KCNIP4: variants seen among roughly 807,000 people sequenced by gnomAD.
The protein encoded by KCNIP4 is potassium voltage-gated channel interacting protein 4.
Under a neutral mutation model 34.0 loss-of-function variants are expected in KCNIP4, and 12 were observed. That is an observed-to-expected ratio of 0.35 (90% CI 0.23 to 0.57). The LOEUF (loss-of-function observed/expected upper bound fraction) is 0.57, where lower values mean the gene tolerates loss of function less well. Among genes scored for constraint, KCNIP4 ranks in the 20% least tolerant of loss-of-function variants. KCNIP4 has a pLI of 0.83. For missense variants in KCNIP4, 238 were observed against 311.7 expected (o/e 0.76, Z 1.78); for synonymous variants, 124 against 102.2 (o/e 1.21, Z -1.29).
chr4:21,065,128 C>A (rs190786676), intron 1 of KCNIP4, among the ~76,000 whole-genome samples: 1 of 152,182 alleles, frequency 6.6e-6, no homozygotes, highest in African/African-American at 2.4e-5. Flanking sequence ...CGTAGTCACA[C>A]CTTTCTTCCC....
At chr4:20,822,133 A>C (rs1443988822) in intron 3 of KCNIP4, among the ~76,000 whole-genome samples, 1 of 152,198 alleles carries the variant, frequency 6.6e-6, no homozygotes, top group Non-Finnish European at 1.5e-5. Context: ...CAGAAAACCC[A>C]CAGAGTGGGA....
chr4:21,060,474 T>C (rs544135811), intron 1 of KCNIP4, among the ~76,000 whole-genome samples: 1 of 152,290 alleles, frequency 6.6e-6, no homozygotes, highest in Admixed American at 6.5e-5. Context: ...GGCCATTGCA[T>C]TCCTCAGTTA....
At chr4:21,558,464 C>G (rs1739253008) in intron 1 of KCNIP4, among the ~76,000 whole-genome samples, 1 of 130,826 alleles carries the variant, frequency 7.6e-6, no homozygotes, top group African/African-American at 2.7e-5. Flanking sequence ...TACACTTCAG[C>G]CTGGGCGGCA....
rs572044646 is a variant in KCNIP4 at position 20,796,382 on chromosome 4, C to G, written c.289-37492G>C. Among the ~76,000 whole-genome samples, 271 of 152,082 alleles carry G rather than the reference C, an allele frequency of 1.8e-3. 9 individuals are homozygous for G. The highest frequency in any genetic ancestry group is 5.9e-4 in the Non-Finnish European group (40 of 68,026). On this transcript the variant is annotated intron_variant, in intron 3 of 8. Coordinates refer to ENST00000382152, the MANE Select transcript of KCNIP4 (RefSeq NM_025221.6). ...GGAGTGCGCTGGTGTGATCACAGAA[C>G]TGGTTTTTAACCACGTTTTGGGTAA...
chr4:20,760,925 C>G (rs1754908379), intron 3 of KCNIP4, among the ~76,000 whole-genome samples: 1 of 152,182 alleles, frequency 6.6e-6, no homozygotes, highest in African/African-American at 2.4e-5. Flanking sequence ...AGTGTTTGGT[C>G]AAGCATTATT....
chr4:21,117,664 G>A (rs182288384), intron 1 of KCNIP4, among the ~76,000 whole-genome samples: 3 of 152,250 alleles, frequency 2.0e-5, no homozygotes, highest in Non-Finnish European at 2.9e-5. Context: ...GACAGGGGCC[G>A]TGTTGGGGAA....
intron 1 of KCNIP4, among the ~76,000 whole-genome samples, chr4:21,089,061 G>A (rs935486570): frequency 1.4e-4 from 21 of 152,158 alleles, no homozygotes; most frequent in African/African-American, 4.6e-4. Context: ...ATTAAGGAAA[G>A]AAATAAGGCC....
intron 1 of KCNIP4, among the ~76,000 whole-genome samples, chr4:21,820,308 T>TATATACATATATACAC (rs1722273581): frequency 1.8e-5 from 2 of 108,770 alleles, no homozygotes; most frequent in African/African-American, 5.8e-5. Flanking sequence ...TATATATATA[T>TATATACATATATACAC]ATATATATAT....
At chr4:21,001,655 C>T (rs1738147073) in intron 1 of KCNIP4, among the ~76,000 whole-genome samples, 1 of 152,192 alleles carries the variant, frequency 6.6e-6, no homozygotes, top group South Asian at 2.1e-4. Flanking sequence ...TGAGTGCCTA[C>T]TCTGTTAAAG....
intron 3 of KCNIP4, among the ~76,000 whole-genome samples, chr4:20,762,899 C>G (rs2149365249): frequency 6.6e-6 from 1 of 152,276 alleles, no homozygotes; most frequent in South Asian, 2.1e-4. Flanking sequence ...CCTCAGGAAA[C>G]TTACAATCAT....
chr4:21,805,391 C>T (rs1490089017), intron 1 of KCNIP4, among the ~76,000 whole-genome samples: 1 of 152,036 alleles, frequency 6.6e-6, no homozygotes, highest in East Asian at 1.9e-4. Flanking sequence ...CTCTGGTGCA[C>T]TACCAGAGCA....
chr4:21,776,405 C>A (rs1719184506), intron 1 of KCNIP4, among the ~76,000 whole-genome samples: 1 of 152,080 alleles, frequency 6.6e-6, no homozygotes, highest in Non-Finnish European at 1.5e-5. Flanking sequence ...CCAGAAGTTT[C>A]TTCAACATGA....
chr4:21,774,135 T>C (rs2109197433), intron 1 of KCNIP4, among the ~76,000 whole-genome samples: 1 of 152,242 alleles, frequency 6.6e-6, no homozygotes, highest in East Asian at 1.9e-4. Context: ...GGCCTGGTGA[T>C]AATAAAATCC....
At chr4:21,781,838 A>T (rs1283609876) in intron 1 of KCNIP4, among the ~76,000 whole-genome samples, 1 of 152,112 alleles carries the variant, frequency 6.6e-6, no homozygotes, top group Non-Finnish European at 1.5e-5. Context: ...AAAGAGAGGT[A>T]AAGTTTCTAT....
At chr4:21,220,766 C>A (rs1487250425) in intron 1 of KCNIP4, among the ~76,000 whole-genome samples, 1 of 152,044 alleles carries the variant, frequency 6.6e-6, no homozygotes, top group African/African-American at 2.4e-5. Flanking sequence ...TCACCTGAAG[C>A]TTCACTTTTA....
intron 1 of KCNIP4, among the ~76,000 whole-genome samples, chr4:21,485,347 T>C (rs1034025465): frequency 1.3e-5 from 2 of 152,200 alleles, no homozygotes; most frequent in Non-Finnish European, 2.9e-5. Flanking sequence ...TGTCCTAGAA[T>C]GGTCTCTAAA....
At chr4:21,485,815 G>T (rs2109846715) in intron 1 of KCNIP4, among the ~76,000 whole-genome samples, 1 of 152,174 alleles carries the variant, frequency 6.6e-6, no homozygotes, top group Non-Finnish European at 1.5e-5. Flanking sequence ...ATTGAGTTTG[G>T]CTTATTCCTG....
At chr4:21,086,478 T>C (rs1746442703) in intron 1 of KCNIP4, among the ~76,000 whole-genome samples, 1 of 152,192 alleles carries the variant, frequency 6.6e-6, no homozygotes, top group Non-Finnish European at 1.5e-5. Context: ...AGTAAAGCTG[T>C]AATACATGCA....
intron 1 of KCNIP4, among the ~76,000 whole-genome samples, chr4:21,832,190 A>C (rs1220058324): frequency 6.6e-6 from 1 of 152,200 alleles, no homozygotes; most frequent in Non-Finnish European, 1.5e-5. Context: ...GAAATTCAAC[A>C]TCCTTTCATG....
Sources: gnomAD v4.1 joint callset for allele counts (sites outside exome capture counted in the v4.1 genomes callset) on GRCh38, gnomAD v4.1.1 for gene constraint, MANE v1.5 for transcripts, NCBI Gene and HGNC (gene_info 2026-07-23, HGNC 2026-07-21) for gene names.